Variants in USP14 observed in about 807,000 individuals in gnomAD.
USP14 encodes ubiquitin specific peptidase 14, also known as ubiquitin carboxyl-terminal hydrolase 14.
A neutral mutation model predicts 76.5 loss-of-function variants in USP14; 38 were observed. That is an observed-to-expected ratio of 0.50 (90% confidence interval 0.38 to 0.65). The LOEUF (loss-of-function observed/expected upper bound fraction) is 0.65. Among genes scored for constraint, USP14 ranks in the 30% least tolerant of loss-of-function variants. The probability of loss-of-function intolerance (pLI) is 0.00; values close to 1 mark genes in which losing one functional copy is unlikely to be tolerated. For missense variants in USP14, 467 were observed against 586.5 expected (o/e 0.80, Z 2.10); for synonymous variants, 192 against 191.7 (o/e 1.00, Z -0.01).
At chr18:158,821 G>A (rs1909029013) in intron 1 of USP14, 107 bp downstream of exon 1, 1 of 1,264,234 alleles carries the variant, frequency 7.9e-7, no homozygotes, top group East Asian at 3.2e-5. Context: ...GAGGGGCCGG[G>A]GTGGGGTGCG....
At chr18:196,565 A>G (rs1910242036) in intron 6 of USP14, 72 bp from the exon 7 acceptor site, 1 of 1,487,518 alleles carries the variant, frequency 6.7e-7, no homozygotes, top group Non-Finnish European at 9.0e-7. Flanking sequence ...TGTATTAATT[A>G]AAATTAATTT....
At chr18:165,978 T>C (rs1909259177) in intron 2 of USP14, among the ~76,000 whole-genome samples, 1 of 150,644 alleles carries the variant, frequency 6.6e-6, no homozygotes, top group Non-Finnish European at 1.5e-5. Flanking sequence ...TTAGTAAAAA[T>C]ATTACTCTGG....
Position 211,253 on chromosome 18 carries a change from T to G in USP14, c.1454T>G (p.Val485Gly). ...GTTCTACTCTATGGGCCTCGCAGAG[T>G]TGAAATAATGGAAGAGGAAAGTGAA... ...AYVLLYGPRR[V>G]EIMEEESEQ Residue 485 changes from valine to glycine, a missense_variant, in exon 16 of 16, where the codon GTT (valine) becomes GGT (glycine). Coordinates refer to ENST00000261601, the MANE Select transcript of USP14 (RefSeq NM_005151.4). The G allele has an allele frequency of 6.2e-7, 1 of 1,610,924 alleles. No individual in the cohort carries two copies. Among genetic ancestry groups the G allele is most frequent in the Non-Finnish European group, 8.5e-7 (1 of 1,178,488 alleles).
chr18:158,807 C>T, intron 1 of USP14, 93 bp downstream of exon 1: 5 of 1,283,228 alleles, frequency 3.9e-6, no homozygotes, highest in Non-Finnish European at 4.9e-6. Context: ...CCGGCATGGA[C>T]TGGGAGGGGC....
chr18:207,814 CTAAA>C (rs895476907), intron 13 of USP14, among the ~76,000 whole-genome samples: 11 of 152,040 alleles, frequency 7.2e-5, no homozygotes, highest in South Asian at 4.1e-4. Context: ...AAATTTATTC[CTAAA>C]TAGTTTATTC....
Position 183,471 on chromosome 18 carries a change from T to G in USP14, c.404+3132T>G, listed in dbSNP as rs142349587. Among the ~76,000 whole-genome samples the G allele has an allele frequency of 4.0e-3, 609 of 152,220 alleles. 8 individuals are homozygous for G. The highest frequency in any genetic ancestry group is 0.026 in the East Asian group (135 of 5,184). ...GGTCATTATTTCTTTAGGTACTGCT[T>G]CTCCTCCACCTGGTTTCTTATACAT... On this transcript the variant is annotated intron_variant, in intron 5 of 15. Coordinates refer to ENST00000261601, the MANE Select transcript of USP14 (RefSeq NM_005151.4).
intron 1 of USP14, 65 bp from the exon 2 acceptor site, chr18:163,243 T>A (rs892445659): frequency 2.6e-5 from 38 of 1,470,704 alleles, no homozygotes; most frequent in Non-Finnish European, 3.5e-5. Flanking sequence ...ATTGGTGATC[T>A]TCTAAGGGTC....
Position 197,998 on chromosome 18 carries a change from C to T in USP14, c.676-49C>T, listed in dbSNP as rs762269209. ...TAAACTGGATTGTGTGGAAGAAAATCTACATTAATATTTATATAAAGTTGG... is the reference window on the plus strand; with the variant it reads ...TAAACTGGATTGTGTGGAAGAAAATTTACATTAATATTTATATAAAGTTGG... On this transcript the variant is annotated intron_variant, in intron 8 of 15. Coordinates refer to ENST00000261601, the MANE Select transcript of USP14 (RefSeq NM_005151.4). 6 of 1,475,482 alleles carry T rather than the reference C, an allele frequency of 4.1e-6. No homozygotes were observed. In the Admixed American group the frequency reaches 7.7e-5, roughly 19 times the overall value. 91.4% of individuals were successfully genotyped at this position (1,475,482 alleles called of 1,614,324 possible).
In USP14 at chr18:176,909, G is replaced by A. The variant is rs571972441; in HGVS notation, c.196-2024G>A. 4.6e-3 allele frequency among the ~76,000 whole-genome samples: 698 copies of A among 152,026 alleles called. 5 individuals are homozygous for A. The highest frequency in any genetic ancestry group is 7.7e-3 in the Non-Finnish European group (522 of 67,948). ...TTCCTAATAATTTTTTAAGGGCATT[G>A]TTTTAGTCTCTATTCTTTTTCAGAA... is the stretch of plus-strand genomic sequence containing the variant. On this transcript the variant is annotated intron_variant, in intron 3 of 15. Transcript: ENST00000261601.
rs60388591 is a variant in USP14, at chr18:209,054, T to C, written c.1165-917T>C. Among the ~76,000 whole-genome samples, 674 of 152,326 alleles carry C rather than the reference T, an allele frequency of 4.4e-3. 2 individuals are homozygous for C. Among genetic ancestry groups the C allele is most frequent in the African/African-American group, 0.016 (646 of 41,582 alleles). On this transcript the variant is annotated intron_variant, in intron 13 of 15. Coordinates refer to ENST00000261601, the MANE Select transcript of USP14 (RefSeq NM_005151.4). ...ATTAAATTTAAATGTGATTTAGGTA[T>C]AGACTATTTACATTTAGTGCAATCA...
chr18:165,683 A>G (rs930207866), intron 2 of USP14, among the ~76,000 whole-genome samples: 1 of 152,202 alleles, frequency 6.6e-6, no homozygotes, highest in African/African-American at 2.4e-5. Context: ...AAAAGAGCAT[A>G]TGATTTATAC....
At chr18:192,930 T>C (rs754166870) in intron 6 of USP14, 30 bp downstream of exon 6, 2 of 1,584,404 alleles carry the variant, frequency 1.3e-6, no homozygotes, top group East Asian at 4.5e-5. Context: ...TACTTTTTGA[T>C]AGGAGTAAGA....
chr18:197,561 C>G, intron 7 of USP14, 55 bp from the exon 8 acceptor site: 1 of 1,420,104 alleles, frequency 7.0e-7, no homozygotes. Context: ...TTTGGAAGAA[C>G]TTTGTAGATC....
intron 4 of USP14, 61 bp from the exon 5 acceptor site, chr18:180,175 C>T (rs1044495138): frequency 2.3e-6 from 2 of 855,672 alleles, no homozygotes; most frequent in Non-Finnish European, 3.5e-6. Flanking sequence ...TTATATATGC[C>T]ATGTCATTTT....
chr18:204,949 A>G (rs1188371678), intron 13 of USP14, among the ~76,000 whole-genome samples: 3 of 149,198 alleles, frequency 2.0e-5, no homozygotes, highest in African/African-American at 7.4e-5. Context: ...ACTCAGGCTC[A>G]CTGCAGTCTC....
intron 13 of USP14, among the ~76,000 whole-genome samples, chr18:207,668 G>A (rs1910565377): frequency 9.4e-6 from 1 of 105,956 alleles, no homozygotes; most frequent in South Asian, 3.2e-4. Flanking sequence ...GACTGAGTAA[G>A]ACTGTGTCTC....
intron 2 of USP14, among the ~76,000 whole-genome samples, chr18:165,399 C>T (rs758088629): frequency 6.6e-6 from 1 of 152,096 alleles, no homozygotes; most frequent in African/African-American, 2.4e-5. Flanking sequence ...CTTTGTTTAC[C>T]CCCGAAGGTA....
At chr18:189,392 G>T (rs919787784) in intron 5 of USP14, among the ~76,000 whole-genome samples, 1 of 151,952 alleles carries the variant, frequency 6.6e-6, no homozygotes, top group Non-Finnish European at 1.5e-5. Context: ...GATTTTGCTT[G>T]TTCTCTATTT....
chr18:188,578 C>T (rs530424424), intron 5 of USP14, among the ~76,000 whole-genome samples: 1 of 147,816 alleles, frequency 6.8e-6, no homozygotes, highest in Non-Finnish European at 1.5e-5. Context: ...CTATCTTTTC[C>T]TGGAACTTTT....
Sources: gnomAD v4.1 joint callset for allele counts (sites outside exome capture counted in the v4.1 genomes callset) on GRCh38, gnomAD v4.1.1 for gene constraint, MANE v1.5 for transcripts, NCBI Gene and HGNC (gene_info 2026-07-23, HGNC 2026-07-21) for gene names.